Variants in SHROOM4 observed in about 807,000 individuals in gnomAD.
SHROOM4 encodes shroom family member 4.
SHROOM4 carries 17 observed loss-of-function variants against 80.3 expected under a neutral mutation model. The ratio of observed to expected loss-of-function variants is 0.21; its 90% CI spans 0.14 to 0.32. SHROOM4 has a LOEUF of 0.32. Ranked by LOEUF, SHROOM4 falls within the 10% of genes least tolerant of loss-of-function variation. SHROOM4 has a pLI of 1.00. For synonymous variants in SHROOM4, 400 were observed against 437.5 expected (o/e 0.91, Z 1.07); for missense variants, 993 against 1,140.3 (o/e 0.87, Z 1.86).
rs1929221733 is a variant in SHROOM4, at chrX:50,598,347, G to A, written c.4131C>T (p.Asn1377=). Residue 1377 remains asparagine, a synonymous_variant, in exon 8 of 9, where the codon AAC becomes AAT. Coordinates refer to ENST00000376020, the MANE Select transcript of SHROOM4 (RefSeq NM_020717.5). ...GTCGTCCAGAGAGTGACAGCAACAG[G>A]TTGACCACTTTGTCCAGGTCCCCAA... The part of the protein sequence containing the change: ...LFVGDLDKVV[N]LLLSLSGRLA... 8.3e-7 allele frequency: 1 copy of A among 1,209,155 alleles called. No homozygotes were observed. The highest frequency in any genetic ancestry group is 1.8e-5 in the African/African-American group (1 of 56,952).
chrX:50,651,353 C>G (rs1557258726), intron 2 of SHROOM4, among the ~76,000 whole-genome samples: 8 of 112,100 alleles, frequency 7.1e-5, no homozygotes, highest in Non-Finnish European at 1.5e-4. Flanking sequence ...AAGTCCACCT[C>G]AGAAAAGAAG....
Position 50,634,783 on chromosome X carries a change from G to A in SHROOM4, c.1290C>T (p.Gly430=). The A allele has an allele frequency of 8.3e-7, 1 of 1,211,712 alleles. No individual in the cohort carries two copies. The highest frequency in any genetic ancestry group is 1.1e-6 in the Non-Finnish European group (1 of 895,500). Residue 430 remains glycine (G), a synonymous_variant, in exon 4 of 9, where the codon GGC becomes GGT. Transcript: ENST00000376020. ...CGGGTGGGAGCTCCATCCCTTTGCT[G>A]CCCCTGGTATCAAGGTGCACATGCT... The part of the protein sequence containing the change: ...HLQHVHLDTR[G]SKGMELPPVQ...
chrX:50,635,684 C>A lies in SHROOM4; in HGVS notation c.405-16G>T, dbSNP rs782470518. On this transcript the variant is annotated splice_polypyrimidine_tract_variant and intron_variant, in intron 3 of 8. Transcript: ENST00000376020. ...ACACACGTCACTGTAAGACACAGGG[C>A]ATACTGGTTAGTTAGCGAAGTCATG... 2 of 1,197,603 alleles carry A rather than the reference C, an allele frequency of 1.7e-6. No homozygotes were observed. Among genetic ancestry groups the A allele is most frequent in the African/African-American group, 3.6e-5 (2 of 55,393 alleles).
intron 2 of SHROOM4, among the ~76,000 whole-genome samples, chrX:50,670,952 A>C (rs782334676): frequency 4.7e-4 from 52 of 111,651 alleles, no homozygotes; most frequent in African/African-American, 1.6e-3. Flanking sequence ...CTTTTTGATA[A>C]ATAATAAGAC....
chrX:50,702,176 G>A (rs6652230), intron 1 of SHROOM4, among the ~76,000 whole-genome samples: 4,867 of 111,601 alleles, frequency 0.044, 279 homozygotes, highest in African/African-American at 0.15. Context: ...TTATAGTAAA[G>A]TGTCACTACA....
chrX:50,601,181 G>A (rs187510838), intron 7 of SHROOM4, among the ~76,000 whole-genome samples: 1 of 111,971 alleles, frequency 8.9e-6, no homozygotes, highest in East Asian at 2.8e-4. Flanking sequence ...TTCTTCCTCA[G>A]AGACAAAAAC....
At position 50,792,176 on chromosome X, in the gene SHROOM4, T is replaced by C. The variant is rs1430569251; in HGVS notation, c.117+21726A>G. Among the ~76,000 whole-genome samples the C allele has an allele frequency of 1.1e-4, 12 of 111,693 alleles. 1 individual carries two copies. Among genetic ancestry groups the C allele is most frequent in the Admixed American group, 1.0e-3 (11 of 10,557 alleles). ...GTGGGACAACATCAAACTAAAAGGC[T>C]TCTGCACAACTAACGAATCTTTTAA... On this transcript the variant is annotated intron_variant, in intron 1 of 8. Transcript: ENST00000376020.
Position 50,594,116 on chromosome X carries a change from A to T in SHROOM4, c.*2579T>A, listed in dbSNP as rs782787383. 8.9e-6 allele frequency: 1 copy of T among 111,933 alleles called. No homozygotes were observed. Among genetic ancestry groups the T allele is most frequent in the African/African-American group, 3.2e-5 (1 of 30,770 alleles). 9.2% of individuals were successfully genotyped at this position (111,933 alleles called of 1,213,427 possible). A position where few individuals can be genotyped will look rare whatever the true frequency, so the allele number is the denominator to read the frequency against. ...TTAAGACTGATAACTGTCTTTGGGG[A>T]TCTCCCTTGGCCTGCCTTCCAAACT... On this transcript the variant is annotated 3_prime_UTR_variant, in exon 9 of 9. Transcript: ENST00000376020.
At chrX:50,801,073 A>C (rs1471087622) in intron 1 of SHROOM4, among the ~76,000 whole-genome samples, 1 of 110,075 alleles carries the variant, frequency 9.1e-6, no homozygotes, top group East Asian at 2.9e-4. Context: ...GCTTGAAAAA[A>C]AACAGAAGCT....
chrX:50,797,732 T>C (rs1034116779), intron 1 of SHROOM4, among the ~76,000 whole-genome samples: 6 of 111,624 alleles, frequency 5.4e-5, no homozygotes, highest in Non-Finnish European at 5.6e-5. Context: ...GAAGACCTCA[T>C]TGGAAGCCAG....
intron 2 of SHROOM4, among the ~76,000 whole-genome samples, chrX:50,683,481 T>C (rs1557261982): frequency 9.0e-6 from 1 of 111,657 alleles, no homozygotes; most frequent in African/African-American, 3.3e-5. Flanking sequence ...GTAGGGAGCA[T>C]GGTAAAACTA....
chrX:50,747,306 C>G (rs781933463), intron 1 of SHROOM4, among the ~76,000 whole-genome samples: 1 of 111,867 alleles, frequency 8.9e-6, no homozygotes, highest in Non-Finnish European at 1.9e-5. Context: ...TGCTTTTATA[C>G]AAGCCTATAT....
At chrX:50,643,784 G>A (rs1931712319) in intron 2 of SHROOM4, 3 of 112,352 alleles carry the variant, frequency 2.7e-5, no homozygotes, top group African/African-American at 9.7e-5. Context: ...AGGAAGCTGG[G>A]CCCCCAGCCA....
Position 50,635,085 on chromosome X carries a change from C to T in SHROOM4, c.988G>A (p.Gly330Arg). Residue 330 changes from glycine (G) to arginine (R), a missense_variant, in exon 4 of 9, where the codon GGG becomes AGG. Gly to Arg is a moderately radical substitution (Grantham distance 125). Coordinates refer to ENST00000376020, the MANE Select transcript of SHROOM4 (RefSeq NM_020717.5). ...CCCTCACTTGTCACTTGGTCATGCC[C>T]ACTGAGGCAACAGAACCTATTAGGG... The part of the protein sequence containing the change: ...RNPNRFCCLS[G>R]HDQVTSEGHQ... 8.3e-7 allele frequency: 1 copy of T among 1,211,999 alleles called. No homozygotes were observed. Among genetic ancestry groups the T allele is most frequent in the Non-Finnish European group, 1.1e-6 (1 of 895,494 alleles).
intron 1 of SHROOM4, among the ~76,000 whole-genome samples, chrX:50,792,708 A>T (rs1935877962): frequency 9.2e-6 from 1 of 109,279 alleles, no homozygotes; most frequent in Non-Finnish European, 1.9e-5. Context: ...CAGGACCATG[A>T]AAAGATGCTC....
chrX:50,780,341 A>G (rs1557270541), intron 1 of SHROOM4, among the ~76,000 whole-genome samples: 1 of 111,676 alleles, frequency 9.0e-6, no homozygotes. Context: ...CAGTGATAAG[A>G]TACAATTGGA....
intron 1 of SHROOM4, among the ~76,000 whole-genome samples, chrX:50,812,173 A>G (rs1936345710): frequency 9.2e-6 from 1 of 108,696 alleles, no homozygotes; most frequent in South Asian, 4.1e-4. Context: ...GTGAGGAGAA[A>G]AAGAAAGGGA....
At chrX:50,797,634 T>C (rs1936043866) in intron 1 of SHROOM4, among the ~76,000 whole-genome samples, 1 of 111,335 alleles carries the variant, frequency 9.0e-6, no homozygotes, top group Non-Finnish European at 1.9e-5. Flanking sequence ...CTACATTACC[T>C]ATTCAACAAA....
At chrX:50,659,160 A>G (rs1932413215) in intron 2 of SHROOM4, among the ~76,000 whole-genome samples, 1 of 111,743 alleles carries the variant, frequency 8.9e-6, no homozygotes, top group Non-Finnish European at 1.9e-5. Flanking sequence ...TATGAGGAAG[A>G]GAAGTGGTGA....
Sources: allele counts gnomAD v4.1 joint callset (sites outside exome capture counted in the v4.1 genomes callset), GRCh38; gene constraint gnomAD v4.1.1; transcripts MANE v1.5; gene names NCBI Gene and HGNC (gene_info 2026-07-23, HGNC 2026-07-21).